EYS: variants seen among roughly 807,000 people sequenced by gnomAD.
EYS encodes protein eyes shut homolog.
A neutral mutation model predicts 282.1 loss-of-function variants in EYS; 250 were observed. That is an observed-to-expected ratio of 0.89 (90% CI 0.80 to 0.98). The LOEUF (loss-of-function observed/expected upper bound fraction) is 0.98. EYS is among the 50% of genes least tolerant of loss of function. The pLI, the probability that EYS is intolerant of heterozygous loss-of-function variation, is 0.00. For missense variants in EYS, 4,016 were observed against 3,709.0 expected, an observed-to-expected ratio of 1.08 and a Z score of -2.15; for synonymous variants, 1,355 against 1,282.9, an observed-to-expected ratio of 1.06 and a Z score of -1.20.
At chr6:64,669,906 C>T (rs897250288) in intron 22 of EYS, among the ~76,000 whole-genome samples, 3 of 152,112 alleles carry the variant, frequency 2.0e-5, no homozygotes, top group Admixed American at 6.5e-5. Context: ...CTCAGCTTAA[C>T]GTTAGATAGG....
chr6:64,484,165 C>G (rs961366297), intron 26 of EYS, among the ~76,000 whole-genome samples: 1 of 151,524 alleles, frequency 6.6e-6, no homozygotes, highest in African/African-American at 2.4e-5. Context: ...GGCCACCTTC[C>G]TGTGTATCTT....
chr6:65,159,593 T>C (rs1764804794), intron 12 of EYS, among the ~76,000 whole-genome samples: 1 of 150,928 alleles, frequency 6.6e-6, no homozygotes. Flanking sequence ...ACCAAGCTTT[T>C]CCTGAGTTTT....
intron 31 of EYS, among the ~76,000 whole-genome samples, chr6:64,131,173 T>A (rs1411504775): frequency 2.0e-5 from 3 of 152,178 alleles, no homozygotes; most frequent in Non-Finnish European, 2.9e-5. Context: ...GGTGTGAATT[T>A]TTAATTCTCA....
chr6:63,795,532 C>G (rs1770624811), intron 37 of EYS, among the ~76,000 whole-genome samples: 1 of 152,158 alleles, frequency 6.6e-6, no homozygotes, highest in South Asian at 2.1e-4. Flanking sequence ...TAAATATATA[C>G]AACCTTGGGA....
chr6:65,673,457 A>G (rs1768469160), intron 1 of EYS, among the ~76,000 whole-genome samples: 1 of 152,116 alleles, frequency 6.6e-6, no homozygotes, highest in African/African-American at 2.4e-5. Flanking sequence ...TGAATAAGAG[A>G]AAGAGAAAAA....
At chr6:64,647,025 A>T (rs1197228205) in intron 22 of EYS, among the ~76,000 whole-genome samples, 4 of 152,020 alleles carry the variant, frequency 2.6e-5, no homozygotes, top group Admixed American at 2.6e-4. Flanking sequence ...GGTAAAGTTG[A>T]TTTTTTTCTA....
At chr6:64,173,918 T>A (rs923928175) in intron 31 of EYS, among the ~76,000 whole-genome samples, 5 of 152,014 alleles carry the variant, frequency 3.3e-5, no homozygotes, top group African/African-American at 1.2e-4. Context: ...GGGAACAACC[T>A]GAGTGTTCAT....
chr6:65,224,865 G>C (rs901897402), intron 12 of EYS, among the ~76,000 whole-genome samples: 2 of 152,046 alleles, frequency 1.3e-5, no homozygotes, highest in African/African-American at 4.8e-5. Context: ...AATGAGTCAG[G>C]AAGAAATGCA....
At chr6:65,007,176 G>C (rs1295996709) in intron 13 of EYS, among the ~76,000 whole-genome samples, 1 of 152,060 alleles carries the variant, frequency 6.6e-6, no homozygotes, top group Non-Finnish European at 1.5e-5. Flanking sequence ...AGAGGTCCAT[G>C]GGTGGTTACG....
chr6:63,955,141 A>T (rs1015361755), intron 35 of EYS, among the ~76,000 whole-genome samples: 2 of 152,102 alleles, frequency 1.3e-5, no homozygotes, highest in South Asian at 2.1e-4. Flanking sequence ...AGGCCAGCAC[A>T]GTCATTTCTT....
chr6:64,961,732 A>G (rs949248817), intron 14 of EYS, among the ~76,000 whole-genome samples: 6 of 146,978 alleles, frequency 4.1e-5, no homozygotes, highest in Non-Finnish European at 8.8e-5. Flanking sequence ...AATCCTACCA[A>G]TACACCTTTA....
chr6:64,054,730 T>G (rs1770925422), intron 33 of EYS, among the ~76,000 whole-genome samples: 1 of 152,144 alleles, frequency 6.6e-6, no homozygotes, highest in African/African-American at 2.4e-5. Context: ...CTAATTTCCT[T>G]AAGTCCCAGT....
intron 2 of EYS, among the ~76,000 whole-genome samples, chr6:65,546,098 C>A (rs1041009299): frequency 2.0e-5 from 3 of 150,360 alleles, no homozygotes; most frequent in Admixed American, 1.3e-4. Flanking sequence ...TGACTCACTG[C>A]AGCCTGTACT....
At chr6:64,073,409 G>A (rs2149861353) in intron 32 of EYS, among the ~76,000 whole-genome samples, 1 of 151,742 alleles carries the variant, frequency 6.6e-6, no homozygotes, top group African/African-American at 2.4e-5. Flanking sequence ...CAAATCAATT[G>A]ACTTTGTATC....
intron 26 of EYS, among the ~76,000 whole-genome samples, chr6:64,563,550 A>G (rs1451268389): frequency 6.6e-6 from 1 of 152,126 alleles, no homozygotes; most frequent in Non-Finnish European, 1.5e-5. Flanking sequence ...CTAAATCTGA[A>G]CCAGATCCTG....
intron 26 of EYS, among the ~76,000 whole-genome samples, chr6:64,554,072 T>A (rs1165720533): frequency 6.6e-6 from 1 of 152,160 alleles, no homozygotes; most frequent in Non-Finnish European, 1.5e-5. Context: ...GATTTTTTAT[T>A]TTATTTCTGA....
At chr6:64,894,433 C>T (rs4512199) in intron 18 of EYS, among the ~76,000 whole-genome samples, 23 of 151,890 alleles carry the variant, frequency 1.5e-4, no homozygotes, top group Non-Finnish European at 2.9e-5. Flanking sequence ...TAACTGATGA[C>T]GGGGTTTTAG....
chr6:65,286,118 G>GA (rs1048208707), intron 12 of EYS, among the ~76,000 whole-genome samples: 1 of 151,854 alleles, frequency 6.6e-6, no homozygotes, highest in African/African-American at 2.4e-5. Flanking sequence ...AATTCTCATT[G>GA]AAAATGTGTC....
intron 12 of EYS, among the ~76,000 whole-genome samples, chr6:65,195,447 A>C (rs1765741277): frequency 6.6e-6 from 1 of 152,074 alleles, no homozygotes; most frequent in Non-Finnish European, 1.5e-5. Flanking sequence ...TTTTAACTTA[A>C]AAACAATCAA....
Sources: gnomAD v4.1 joint callset for allele counts (sites outside exome capture counted in the v4.1 genomes callset) on GRCh38, gnomAD v4.1.1 for gene constraint, MANE v1.5 for transcripts, NCBI Gene and HGNC (gene_info 2026-07-23, HGNC 2026-07-21) for gene names.